The following FSTL5 variants were observed in gnomAD, a reference collection of about 807,000 sequenced individuals.
The protein encoded by FSTL5 is follistatin like 5, also known as follistatin-related protein 5.
FSTL5 carries 62 observed loss-of-function variants against 89.1 expected under a neutral mutation model. The ratio of observed to expected loss-of-function variants is 0.70; its 90% CI spans 0.57 to 0.86. The LOEUF is 0.86. Ranked by LOEUF, FSTL5 falls within the 40% of genes least tolerant of loss-of-function variation. FSTL5 has a pLI of 0.00. For missense variants in FSTL5, 1,057 were observed against 1,001.6 expected (o/e 1.06, Z -0.75); for synonymous variants, 383 against 346.2 (o/e 1.11, Z -1.18).
intron 4 of FSTL5, among the ~76,000 whole-genome samples, chr4:161,820,751 A>T (rs1438215344): frequency 1.3e-5 from 2 of 152,146 alleles, no homozygotes; most frequent in African/African-American, 4.8e-5. Flanking sequence ...GATGGAAGGA[A>T]TCTGAGTCCC....
intron 4 of FSTL5, among the ~76,000 whole-genome samples, chr4:161,797,156 C>G (rs552205337): frequency 6.6e-6 from 1 of 151,630 alleles, no homozygotes; most frequent in Non-Finnish European, 1.5e-5. Flanking sequence ...TATATTAGGT[C>G]TCAACATAAA....
At chr4:161,693,281 T>C (rs962648430) in intron 6 of FSTL5, among the ~76,000 whole-genome samples, 1 of 152,212 alleles carries the variant, frequency 6.6e-6, no homozygotes, top group South Asian at 2.1e-4. Context: ...TTGATATCTT[T>C]ATCTGGCTTT....
At chr4:161,808,170 T>C (rs1730025295) in intron 4 of FSTL5, among the ~76,000 whole-genome samples, 1 of 152,122 alleles carries the variant, frequency 6.6e-6, no homozygotes, top group Admixed American at 6.5e-5. Context: ...AAAATTTAAA[T>C]ATTGTTGGCA....
At position 161,663,009 on chromosome 4, in the gene FSTL5, C is replaced by T. The variant is rs530487449; in HGVS notation, c.728-6515G>A. ...AGCAAAGGGACACCCCTGATAAACCCATCAGATCTCGTGAGACTTACTCAC... is the reference window on the plus strand; with the variant it reads ...AGCAAAGGGACACCCCTGATAAACCTATCAGATCTCGTGAGACTTACTCAC... On this transcript the variant is annotated intron_variant, in intron 6 of 15. Transcript: ENST00000306100. Among the ~76,000 whole-genome samples the T allele has an allele frequency of 2.0e-5, 3 of 152,198 alleles. No individual in the cohort carries two copies. The South Asian group carries it at 6.2e-4, about 32-fold the overall frequency.
At chr4:161,542,912 G>A (rs1381968037) in intron 8 of FSTL5, among the ~76,000 whole-genome samples, 1 of 151,940 alleles carries the variant, frequency 6.6e-6, no homozygotes, top group Admixed American at 6.6e-5. Flanking sequence ...AACATAAGAT[G>A]AGCCTGGAAT....
chr4:162,123,079 T>C (rs1171588743), intron 1 of FSTL5, among the ~76,000 whole-genome samples: 2 of 152,142 alleles, frequency 1.3e-5, no homozygotes, highest in South Asian at 2.1e-4. Context: ...AAAAAAATCA[T>C]TGCAATTTTG....
intron 6 of FSTL5, among the ~76,000 whole-genome samples, chr4:161,680,688 G>T (rs531144323): frequency 6.6e-6 from 1 of 151,526 alleles, no homozygotes; most frequent in African/African-American, 2.4e-5. Context: ...ATAATTTAGG[G>T]AAATAATTAT....
chr4:161,606,107 C>T (rs1734429519), intron 7 of FSTL5, among the ~76,000 whole-genome samples: 1 of 149,972 alleles, frequency 6.7e-6, no homozygotes, highest in Non-Finnish European at 1.5e-5. Context: ...CCAAGACTAG[C>T]TGGCTCATAG....
chr4:161,722,038 C>G (rs561676525), intron 6 of FSTL5, among the ~76,000 whole-genome samples: 13 of 151,718 alleles, frequency 8.6e-5, no homozygotes, highest in Non-Finnish European at 1.3e-4. Context: ...AATGCAAATA[C>G]AAATGGAAAA....
chr4:161,505,953 T>C (rs1190369093), intron 11 of FSTL5, among the ~76,000 whole-genome samples: 2 of 152,180 alleles, frequency 1.3e-5, no homozygotes, highest in African/African-American at 2.4e-5. Context: ...TTAGAAAGCA[T>C]AGTCTTCCCC....
rs571093586 is a variant in FSTL5, at chr4:162,031,739, C to T, written c.160+1886G>A. On this transcript the variant is annotated intron_variant, in intron 3 of 15. Transcript: ENST00000306100. ...GATTATGAGGTCAAGAGATCGAGAC[C>T]GTCCTGGCCAAGACAGTGAAAGTCT... Among the ~76,000 whole-genome samples, 184 of 152,148 alleles carry T rather than the reference C, an allele frequency of 1.2e-3. 1 individual carries two copies. The highest frequency in any genetic ancestry group is 4.3e-3 in the African/African-American group (177 of 41,526).
rs547495316 is a variant in FSTL5 at position 161,553,955 on chromosome 4, G to A, written c.1016-11262C>T. Reference sequence around the variant, plus strand: ...TAAAATTTTATTTAGTTCATCTGATGGTTCTTAGAGCATCAAATGTAAATA... The same window carrying A: ...TAAAATTTTATTTAGTTCATCTGATAGTTCTTAGAGCATCAAATGTAAATA... On this transcript the variant is annotated intron_variant, in intron 8 of 15. Coordinates refer to ENST00000306100, the MANE Select transcript of FSTL5 (RefSeq NM_020116.5). Among the ~76,000 whole-genome samples, 6 of 151,468 alleles carry A rather than the reference G, an allele frequency of 4.0e-5. No homozygotes were observed. In the South Asian group the frequency reaches 1.2e-3, roughly 32 times the overall value.
intron 4 of FSTL5, among the ~76,000 whole-genome samples, chr4:161,915,357 C>T (rs1733809329): frequency 6.6e-6 from 1 of 151,482 alleles, no homozygotes; most frequent in South Asian, 2.1e-4. Flanking sequence ...CTTTCTCCCA[C>T]CTTCCCACTC....
intron 10 of FSTL5, among the ~76,000 whole-genome samples, chr4:161,526,321 AATAAT>A (rs1731217805): frequency 6.6e-6 from 1 of 152,174 alleles, no homozygotes; most frequent in Non-Finnish European, 1.5e-5. Context: ...TTTATTCATT[AATAAT>A]CTGATTCTAT....
intron 8 of FSTL5, among the ~76,000 whole-genome samples, chr4:161,577,074 T>C (rs1249342289): frequency 6.6e-6 from 1 of 152,208 alleles, no homozygotes; most frequent in East Asian, 1.9e-4. Context: ...ATAACACTTC[T>C]TTTTAGAACA....
At chr4:161,774,995 C>T (rs1560837882) in intron 5 of FSTL5, among the ~76,000 whole-genome samples, 1 of 152,052 alleles carries the variant, frequency 6.6e-6, no homozygotes, top group Non-Finnish European at 1.5e-5. Context: ...TAACTATAAT[C>T]AATTTGCTCA....
intron 4 of FSTL5, among the ~76,000 whole-genome samples, chr4:161,863,539 G>A (rs548216956): frequency 2.0e-5 from 3 of 152,180 alleles, no homozygotes; most frequent in Admixed American, 6.5e-5. Flanking sequence ...GATATGATGC[G>A]GGCAAAGAAA....
At chr4:161,671,698 C>A (rs1207422128) in intron 6 of FSTL5, among the ~76,000 whole-genome samples, 1 of 152,022 alleles carries the variant, frequency 6.6e-6, no homozygotes, top group Non-Finnish European at 1.5e-5. Context: ...AAAAAAAAAT[C>A]TTTGAGCCTT....
At chr4:161,540,896 T>C (rs1731795521) in intron 9 of FSTL5, among the ~76,000 whole-genome samples, 1 of 152,134 alleles carries the variant, frequency 6.6e-6, no homozygotes, top group African/African-American at 2.4e-5. Flanking sequence ...GACCTCTTTA[T>C]TTTTAACTTT....
Sources: allele counts gnomAD v4.1 joint callset (sites outside exome capture counted in the v4.1 genomes callset), GRCh38; gene constraint gnomAD v4.1.1; transcripts MANE v1.5; gene names NCBI Gene and HGNC (gene_info 2026-07-23, HGNC 2026-07-21).